The following RBCK1 variants were observed in gnomAD, a reference collection of about 807,000 sequenced individuals.
RBCK1 encodes ranBP-type and C3HC4-type zinc finger-containing protein 1.
Under a neutral mutation model 71.1 loss-of-function variants are expected in RBCK1, and 44 were observed. The ratio of observed to expected loss-of-function variants is 0.62; its 90% CI spans 0.49 to 0.80. RBCK1 has a LOEUF of 0.80. Ranked by LOEUF, RBCK1 falls within the 30% of genes least tolerant of loss-of-function variation. The pLI, the probability that RBCK1 is intolerant of heterozygous loss-of-function variation, is 0.00. For synonymous variants in RBCK1, 306 were observed against 279.7 expected, an observed-to-expected ratio of 1.09 and a Z score of -0.94; for missense variants, 569 against 685.0, an observed-to-expected ratio of 0.83 and a Z score of 1.89.
chr20:424,588 G>A (rs2016605682), intron 8 of RBCK1, among the ~76,000 whole-genome samples: 1 of 152,208 alleles, frequency 6.6e-6, no homozygotes, highest in Admixed American at 6.5e-5. Flanking sequence ...ATCAGGAGCA[G>A]CCCCATTTTT....
Position 422,323 on chromosome 20 carries a change from C to CT in RBCK1, c.1029+88dup. ...AGCAGGCAGCAGACATCTTTCTTTT[C>CT]TTTCTTTTTTTTTTTTGGAGATGGG... On this transcript the variant is annotated intron_variant, in intron 8 of 11. Coordinates refer to ENST00000356286, the MANE Select transcript of RBCK1 (RefSeq NM_031229.4). The surrounding 1 kb of genome is among the most constrained non-coding windows in gnomAD (Gnocchi z 5.0). 8.7e-7 allele frequency: 1 copy of CT among 1,148,778 alleles called. No individual in the cohort carries two copies. Among genetic ancestry groups the CT allele is most frequent in the Non-Finnish European group, 1.3e-6 (1 of 788,822 alleles). 71.2% of individuals were successfully genotyped at this position (1,148,778 alleles called of 1,614,324 possible).
intron 7 of RBCK1, among the ~76,000 whole-genome samples, chr20:421,420 C>T (rs1033530458): frequency 1.3e-5 from 2 of 152,214 alleles, no homozygotes; most frequent in African/African-American, 4.8e-5. Context: ...CTCACCACAG[C>T]GGACCCTTGT....
intron 4 of RBCK1, among the ~76,000 whole-genome samples, chr20:418,553 A>G (rs1474019196): frequency 6.6e-6 from 1 of 152,202 alleles, no homozygotes; most frequent in Non-Finnish European, 1.5e-5. Flanking sequence ...TATTTTTAGT[A>G]GAGACGGGGT....
chr20:412,979 A>G (rs539750135), intron 2 of RBCK1, among the ~76,000 whole-genome samples: 3 of 152,268 alleles, frequency 2.0e-5, no homozygotes, highest in African/African-American at 7.2e-5. Flanking sequence ...GTGTGAGGTA[A>G]GGGTCCAGCT....
At position 419,378 on chromosome 20, in the gene RBCK1, G is replaced by A. The variant is rs765582031; in HGVS notation, c.492G>A (p.Pro164=). 7 of 1,612,364 alleles carry A rather than the reference G, an allele frequency of 4.3e-6. No homozygotes were observed. In the Admixed American group the frequency reaches 5.0e-5, roughly 12 times the overall value. ...DLGFKDLTLQ[P]RGPLEPGPPK... ...GCTTCAAGGACCTCACGCTGCAGCC[G>A]CGGGGCCCTCTGGAGCCAGGCCCCC... The change falls in exon 5 of 12, where the codon CCG becomes CCA. Residue 164 remains proline (P), a synonymous_variant. Coordinates refer to ENST00000356286, the MANE Select transcript of RBCK1 (RefSeq NM_031229.4).
chr20:414,939 A>G (rs998318712), intron 2 of RBCK1, among the ~76,000 whole-genome samples: 2 of 152,160 alleles, frequency 1.3e-5, no homozygotes, highest in East Asian at 1.9e-4. Flanking sequence ...AAAAATTTCT[A>G]TATTTTGCTC....
intron 2 of RBCK1, chr20:410,337 G>C: frequency 1.4e-6 from 1 of 737,994 alleles, no homozygotes; most frequent in Non-Finnish European, 2.5e-6. Context: ...AGGGAGTCCA[G>C]ATAGGGAGGT....
At chr20:427,008 A>AT (rs1166213211) in intron 8 of RBCK1, among the ~76,000 whole-genome samples, 23 of 150,964 alleles carry the variant, frequency 1.5e-4, no homozygotes, top group Admixed American at 9.9e-4. Context: ...TTTTAAAAAA[A>AT]TTTTTTGGTA....
At chr20:413,729 C>G (rs934924574) in intron 2 of RBCK1, among the ~76,000 whole-genome samples, 11 of 152,248 alleles carry the variant, frequency 7.2e-5, no homozygotes, top group Non-Finnish European at 1.0e-4. Flanking sequence ...CAACCGGCAC[C>G]TCTCAGACCT....
Position 417,431 on chromosome 20 carries a change from A to C in RBCK1, c.168-95A>C. ...TGTGTGTGTGTGTGTGTGCATGGCC[A>C]TGTGCCTGTGTGCAAATATGTACAT... is the stretch of plus-strand genomic sequence containing the variant. On this transcript the variant is annotated intron_variant, in intron 2 of 11. Transcript: ENST00000356286. This position sits in a 1 kb window ranked among gnomAD's most constrained non-coding sequence, Gnocchi z 4.7. The C allele has an allele frequency of 9.9e-7, 1 of 1,009,818 alleles. No homozygotes were observed. Among genetic ancestry groups the C allele is most frequent in the Non-Finnish European group, 1.6e-6 (1 of 636,146 alleles). The allele number at this position is 1,009,818 out of a possible 1,614,324, so 62.6% of individuals were successfully genotyped here.
In RBCK1 at chr20:408,713, C is replaced by T. The variant is rs747595621; in HGVS notation, c.-45C>T. 6.2e-7 allele frequency: 1 copy of T among 1,610,124 alleles called. No individual in the cohort carries two copies. The highest frequency in any genetic ancestry group is 8.5e-7 in the Non-Finnish European group (1 of 1,178,860). On this transcript the variant is annotated 5_prime_UTR_variant, in exon 1 of 12. Coordinates refer to ENST00000356286, the MANE Select transcript of RBCK1 (RefSeq NM_031229.4). ...CAGGCGACCCGGAGGTAGCATTTCC[C>T]AGGAGGCACGGTCCCCCCCAGGGGG...
At position 411,517 on chromosome 20, in the gene RBCK1, G is replaced by A. The variant is rs547664754; in HGVS notation, c.167+1492G>A. ...CGAGTAGCTGGGACTACAGGCGCCC[G>A]CCACCACGCCCAGCTAATTTTTTGT... On this transcript the variant is annotated intron_variant, in intron 2 of 11. Transcript: ENST00000356286. 7.9e-5 allele frequency among the ~76,000 whole-genome samples: 12 copies of A among 152,254 alleles called. No homozygotes were observed. The East Asian group carries it at 1.5e-3, about 20-fold the overall frequency.
intron 1 of RBCK1, 181 bp from the exon 2 acceptor site, chr20:409,700 T>G: frequency 1.2e-6 from 1 of 855,362 alleles, no homozygotes. Context: ...GAGTGGGGAA[T>G]ATTAGAGAAC....
rs1405319766 is a variant in RBCK1 at position 417,862 on chromosome 20, T to C, written c.392T>C (p.Leu131Pro). The C allele has an allele frequency of 2.5e-6, 4 of 1,613,540 alleles. No individual in the cohort carries two copies. The highest frequency in any genetic ancestry group is 2.5e-6 in the Non-Finnish European group (3 of 1,180,016). Residue 131 changes from leucine (L) to proline (P), a missense_variant, in exon 4 of 12, where the codon CTG becomes CCG. This residue lies in a region of RBCK1 where 358 missense variants were observed against 375.6 expected (regional missense o/e 0.95). Transcript: ENST00000356286. This position sits in a 1 kb window ranked among gnomAD's most constrained non-coding sequence, Gnocchi z 4.7. ...GGGGACAGTGCCTACCTCTATCTGC[T>C]GTCAGCCCGCAACACCTCCCTCAAC... ...QNGDSAYLYL[L>P]SARNTSLNPQ...
chr20:428,729 G>A lies in RBCK1; in HGVS notation c.1308+140G>A. On this transcript the variant is annotated intron_variant, in intron 10 of 11. Transcript: ENST00000356286. The surrounding 1 kb of genome is among the most constrained non-coding windows in gnomAD (Gnocchi z 5.7). ...TTCTGGCTGTCACTCCCATCCGGAG[G>A]TGGGACTTAGGCCGAATGGTCATGT... 7.3e-7 allele frequency: 1 copy of A among 1,364,426 alleles called. No homozygotes were observed. Among genetic ancestry groups the A allele is most frequent in the Middle Eastern group, 2.6e-4 (1 of 3,796 alleles). 84.5% of individuals were successfully genotyped at this position (1,364,426 alleles called of 1,614,324 possible). A position where few individuals can be genotyped will look rare whatever the true frequency, so the allele number is the denominator to read the frequency against.
Position 428,888 on chromosome 20 carries a change from G to A in RBCK1, c.1309-63G>A. 2 of 1,529,180 alleles carry A rather than the reference G, an allele frequency of 1.3e-6. No homozygotes were observed. The highest frequency in any genetic ancestry group is 1.3e-5 in the South Asian group (1 of 79,862). 94.7% of individuals were successfully genotyped at this position (1,529,180 alleles called of 1,614,324 possible). On this transcript the variant is annotated intron_variant, in intron 10 of 11. Transcript: ENST00000356286. This position sits in a 1 kb window ranked among gnomAD's most constrained non-coding sequence, Gnocchi z 5.7. ...GGTCACCACCTTCTCCCTGCCATGGGGAGGGGCCAGGCTGGGTGACTGCCC... is the reference window on the plus strand; with the variant it reads ...GGTCACCACCTTCTCCCTGCCATGGAGAGGGGCCAGGCTGGGTGACTGCCC...
At chr20:421,129 T>C (rs1026972472) in intron 7 of RBCK1, 98 bp downstream of exon 7, 10 of 1,387,508 alleles carry the variant, frequency 7.2e-6, no homozygotes, top group South Asian at 4.4e-5. Flanking sequence ...TGATACCTCA[T>C]TGGACGCCCG....
intron 6 of RBCK1, chr20:420,599 C>G: frequency 1.7e-5 from 17 of 978,666 alleles, no homozygotes; most frequent in Non-Finnish European, 2.1e-5. Flanking sequence ...GGCCTCCCCT[C>G]CCTTGGCTTC....
At position 431,423 on chromosome 20, in the gene RBCK1, CTG is replaced by C. The variant is rs2017011439; in HGVS notation, c.*996_*997del. On this transcript the variant is annotated 3_prime_UTR_variant, in exon 12 of 12. Coordinates refer to ENST00000356286, the MANE Select transcript of RBCK1 (RefSeq NM_031229.4). This position sits in a 1 kb window ranked among gnomAD's most constrained non-coding sequence, Gnocchi z 4.8. ...TCAGCAGTATTTACTAGAACCCACT[CTG>C]TGCTGGTCGGAGGTTACTAAGACAG... Among the ~76,000 whole-genome samples the C allele has an allele frequency of 6.6e-6, 1 of 152,206 alleles. No homozygotes were observed. Among genetic ancestry groups the C allele is most frequent in the African/African-American group, 2.4e-5 (1 of 41,456 alleles).
Sources: gnomAD v4.1 joint callset for allele counts (sites outside exome capture counted in the v4.1 genomes callset) on GRCh38, gnomAD v4.1.1 for gene constraint, gnomAD v4.1.1 regional missense constraint, Gnocchi (gnomAD v3.1) non-coding constraint, MANE v1.5 for transcripts, NCBI Gene and HGNC (gene_info 2026-07-23, HGNC 2026-07-21) for gene names.